The following GUCY1A2 variants were observed in gnomAD, a reference collection of about 807,000 sequenced individuals.
The protein encoded by GUCY1A2 is guanylate cyclase 1 soluble subunit alpha 2, also known as guanylate cyclase soluble subunit alpha-2.
A neutral mutation model predicts 63.5 loss-of-function variants in GUCY1A2; 27 were observed. The observed-to-expected ratio is 0.43, with a 90% CI of 0.31 to 0.59. GUCY1A2 has a LOEUF of 0.59. GUCY1A2 is among the 20% of genes least tolerant of loss of function. The pLI, the probability that GUCY1A2 is intolerant of heterozygous loss-of-function variation, is 0.11. For missense variants in GUCY1A2, 768 were observed against 913.3 expected, an observed-to-expected ratio of 0.84 and a Z score of 2.05; for synonymous variants, 364 against 343.5, an observed-to-expected ratio of 1.06 and a Z score of -0.66.
chr11:106,771,679 G>A (rs1450993644), intron 6 of GUCY1A2, among the ~76,000 whole-genome samples: 1 of 151,974 alleles, frequency 6.6e-6, no homozygotes, highest in Non-Finnish European at 1.5e-5. Flanking sequence ...CTGAGCACAG[G>A]AGGTTGAGGC....
chr11:106,934,271 A>G (rs1363630448), intron 4 of GUCY1A2, among the ~76,000 whole-genome samples: 1 of 152,194 alleles, frequency 6.6e-6, no homozygotes, highest in East Asian at 1.9e-4. Context: ...CAGCTCTGCT[A>G]ATGTATAGAG....
intron 1 of GUCY1A2, among the ~76,000 whole-genome samples, chr11:107,004,467 C>T (rs2120190842): frequency 6.6e-6 from 1 of 152,144 alleles, no homozygotes; most frequent in South Asian, 2.1e-4. Context: ...TAAATATTCT[C>T]TTTCTTTTCC....
chr11:107,002,134 A>G (rs1018804875), intron 1 of GUCY1A2, among the ~76,000 whole-genome samples: 1 of 152,148 alleles, frequency 6.6e-6, no homozygotes, highest in Non-Finnish European at 1.5e-5. Context: ...ATTAAAATTC[A>G]CCCAGAAAAG....
chr11:106,874,290 A>T (rs951762012), intron 4 of GUCY1A2, among the ~76,000 whole-genome samples: 5 of 152,200 alleles, frequency 3.3e-5, no homozygotes, highest in Admixed American at 6.6e-5. Context: ...GTAGAATAGG[A>T]TCGAATACAG....
At chr11:106,816,131 A>T (rs1858827891) in intron 4 of GUCY1A2, among the ~76,000 whole-genome samples, 1 of 150,548 alleles carries the variant, frequency 6.6e-6, no homozygotes, top group South Asian at 2.1e-4. Flanking sequence ...ATCTAAAATA[A>T]TTTGACAATC....
At chr11:106,862,307 G>T (rs1279052201) in intron 4 of GUCY1A2, among the ~76,000 whole-genome samples, 7 of 128,986 alleles carry the variant, frequency 5.4e-5, no homozygotes, top group Middle Eastern at 3.7e-3. Context: ...TCATATAATT[G>T]TTATGAGAAT....
At chr11:107,014,238 G>A (rs768605498) in intron 1 of GUCY1A2, among the ~76,000 whole-genome samples, 40 of 151,766 alleles carry the variant, frequency 2.6e-4, no homozygotes, top group Middle Eastern at 3.2e-3. Flanking sequence ...ACAGGTGCAC[G>A]CCACCATGCC....
chr11:106,907,796 A>C lies in GUCY1A2; in HGVS notation c.1206+31664T>G, dbSNP rs867786194. Reference sequence around the variant, plus strand: ...TATATGTGCCACATTTTCTTAATCCAGTCTATCATTGTTGGACATTTGGGT... The same window carrying C: ...TATATGTGCCACATTTTCTTAATCCCGTCTATCATTGTTGGACATTTGGGT... On this transcript the variant is annotated intron_variant, in intron 4 of 7. Coordinates refer to ENST00000526355, the MANE Select transcript of GUCY1A2 (RefSeq NM_000855.3). Among the ~76,000 whole-genome samples, 18 of 152,162 alleles carry C rather than the reference A, an allele frequency of 1.2e-4. No individual in the cohort carries two copies. The Middle Eastern group carries it at 0.01, about 86-fold the overall frequency.
chr11:106,821,960 A>G (rs1281919422), intron 4 of GUCY1A2, among the ~76,000 whole-genome samples: 3 of 152,138 alleles, frequency 2.0e-5, no homozygotes, highest in African/African-American at 7.2e-5. Context: ...TTGCTTAGTA[A>G]TAAGGATAGT....
chr11:106,851,748 T>A (rs1027739107), intron 4 of GUCY1A2, among the ~76,000 whole-genome samples: 4 of 152,002 alleles, frequency 2.6e-5, no homozygotes, highest in Admixed American at 1.3e-4. Context: ...TACTCTTGCT[T>A]TGTAGTATAC....
At chr11:106,758,694 A>T (rs1864015022) in intron 6 of GUCY1A2, among the ~76,000 whole-genome samples, 1 of 152,196 alleles carries the variant, frequency 6.6e-6, no homozygotes, top group African/African-American at 2.4e-5. Context: ...GTACTTACTG[A>T]TTAGGATTTA....
At chr11:106,756,760 C>T (rs1322080582) in intron 6 of GUCY1A2, among the ~76,000 whole-genome samples, 1 of 152,192 alleles carries the variant, frequency 6.6e-6, no homozygotes. Context: ...CCCGACCTTT[C>T]TCTCTAGCTG....
At chr11:106,688,349 C>G (rs1160121035) in intron 7 of GUCY1A2, among the ~76,000 whole-genome samples, 1 of 152,154 alleles carries the variant, frequency 6.6e-6, no homozygotes, top group Non-Finnish European at 1.5e-5. Flanking sequence ...CAGCTTGATT[C>G]TTCTCTTCCA....
intron 1 of GUCY1A2, among the ~76,000 whole-genome samples, chr11:106,993,476 CATA>C (rs1260229742): frequency 1.2e-4 from 19 of 152,088 alleles, no homozygotes; most frequent in African/African-American, 2.9e-4. Flanking sequence ...GATATCCAGA[CATA>C]ATGTTTACTT....
chr11:106,992,216 G>A (rs1226015944), intron 1 of GUCY1A2, among the ~76,000 whole-genome samples: 1 of 151,616 alleles, frequency 6.6e-6, no homozygotes, highest in African/African-American at 2.4e-5. Context: ...GAAATAATCA[G>A]ACTGGTGTTA....
chr11:106,693,665 C>T (rs1361982409), intron 7 of GUCY1A2, among the ~76,000 whole-genome samples: 4 of 151,982 alleles, frequency 2.6e-5, no homozygotes, highest in Admixed American at 2.0e-4. Flanking sequence ...TCCTTTTTCT[C>T]GAATTATTCC....
At chr11:106,819,951 T>G (rs938851835) in intron 4 of GUCY1A2, among the ~76,000 whole-genome samples, 2 of 152,142 alleles carry the variant, frequency 1.3e-5, no homozygotes, top group African/African-American at 4.8e-5. Context: ...CTCATAGACA[T>G]AGAGATTAAA....
intron 4 of GUCY1A2, chr11:106,827,062 T>C: frequency 5.8e-6 from 9 of 1,552,342 alleles, no homozygotes; most frequent in Non-Finnish European, 8.0e-6. Context: ...AGTGAAGGAC[T>C]TTTTCTTCAA....
intron 6 of GUCY1A2, among the ~76,000 whole-genome samples, chr11:106,736,204 T>G (rs1179654208): frequency 1.3e-5 from 2 of 152,072 alleles, no homozygotes; most frequent in African/African-American, 4.8e-5. Context: ...TTGAATCTTT[T>G]CCCACTCCAA....
Sources: gnomAD v4.1 joint callset for allele counts (sites outside exome capture counted in the v4.1 genomes callset) on GRCh38, gnomAD v4.1.1 for gene constraint, MANE v1.5 for transcripts, NCBI Gene and HGNC (gene_info 2026-07-23, HGNC 2026-07-21) for gene names.